CCDC60: variants seen among roughly 807,000 people sequenced by gnomAD.
CCDC60 encodes coiled-coil domain containing 60.
Under a neutral mutation model 63.5 loss-of-function variants are expected in CCDC60, and 54 were observed. The ratio of observed to expected loss-of-function variants is 0.85; its 90% CI spans 0.68 to 1.07. CCDC60 has a LOEUF of 1.07. Ranked by LOEUF, CCDC60 falls within the 50% of genes least tolerant of loss-of-function variation. The pLI is 0.00. For missense variants in CCDC60, 651 were observed against 684.3 expected, an observed-to-expected ratio of 0.95 and a Z score of 0.54; for synonymous variants, 206 against 238.8, an observed-to-expected ratio of 0.86 and a Z score of 1.27.
At chr12:119,438,837 G>A (rs1227219657) in intron 2 of CCDC60, among the ~76,000 whole-genome samples, 1 of 152,040 alleles carries the variant, frequency 6.6e-6, no homozygotes, top group Non-Finnish European at 1.5e-5. Context: ...TCTCCTCTTG[G>A]GATGGGACTG....
chr12:119,358,356 A>T (rs1955739301), intron 1 of CCDC60, among the ~76,000 whole-genome samples: 1 of 152,110 alleles, frequency 6.6e-6, no homozygotes, highest in South Asian at 2.1e-4. Flanking sequence ...TAAAAGGGTG[A>T]GTTTTGTCCT....
chr12:119,496,529 C>T (rs1416933378), intron 5 of CCDC60, among the ~76,000 whole-genome samples: 1 of 152,186 alleles, frequency 6.6e-6, no homozygotes, highest in African/African-American at 2.4e-5. Context: ...CCATCAGCTC[C>T]TCCTCTAAGC....
At chr12:119,354,598 T>A (rs1955697604) in intron 1 of CCDC60, among the ~76,000 whole-genome samples, 1 of 152,204 alleles carries the variant, frequency 6.6e-6, no homozygotes, top group Non-Finnish European at 1.5e-5. Context: ...CGGGGAGACT[T>A]TCTTTCCAGC....
intron 1 of CCDC60, among the ~76,000 whole-genome samples, chr12:119,373,988 T>G (rs1469460035): frequency 6.9e-6 from 1 of 145,818 alleles, no homozygotes; most frequent in Admixed American, 6.9e-5. Flanking sequence ...GAACTTTATC[T>G]TTTTTTTTTT....
In CCDC60 at chr12:119,523,617, G is replaced by A. The variant is rs564568286; in HGVS notation, c.1104-76G>A. 1.1e-5 allele frequency: 18 copies of A among 1,592,038 alleles called. No homozygotes were observed. The African/African-American group carries it at 2.1e-4, about 19-fold the overall frequency. On this transcript the variant is annotated intron_variant, in intron 10 of 13. Coordinates refer to ENST00000327554, the MANE Select transcript of CCDC60 (RefSeq NM_178499.5). Reference sequence around the variant, plus strand: ...TGCAGAGCACCTTGGGGCTAAGGGGGGCCAGAGTGGGACCCAGGTTACTAG... The same window carrying A: ...TGCAGAGCACCTTGGGGCTAAGGGGAGCCAGAGTGGGACCCAGGTTACTAG...
rs1024668318 is a variant in CCDC60, at chr12:119,459,169, T to TC, written c.171-12825_171-12824insC. 7.2e-5 allele frequency among the ~76,000 whole-genome samples: 11 copies of TC among 152,100 alleles called. 1 individual carries two copies. The South Asian group carries it at 1.0e-3, about 14-fold the overall frequency. On this transcript the variant is annotated intron_variant, in intron 2 of 13. Transcript: ENST00000327554. ...AGTAAAGCCAACTGGAAGATTTTTT[T>TC]TCTGGAAAGAGTTCCTTTCAATAGT...
chr12:119,401,110 A>G lies in CCDC60; in HGVS notation c.91-27573A>G, dbSNP rs537115912. ...GTTTCCTGTTACTTTCAGCTCAAAG[A>G]CATTATCAACATTCTCAGATGAAGA... On this transcript the variant is annotated intron_variant, in intron 1 of 13. Coordinates refer to ENST00000327554, the MANE Select transcript of CCDC60 (RefSeq NM_178499.5). Among the ~76,000 whole-genome samples the G allele has an allele frequency of 7.9e-5, 12 of 152,328 alleles. No homozygotes were observed. The East Asian group carries it at 1.9e-3, about 24-fold the overall frequency.
Position 119,523,137 on chromosome 12 carries a change from G to A in CCDC60, c.1103+136G>A, listed in dbSNP as rs146302028. On this transcript the variant is annotated intron_variant, in intron 10 of 13. Transcript: ENST00000327554. Reference sequence around the variant, plus strand: ...CCGTAGATGATGCTGAAGGACAAGGGATCCCCCAGGTTTAGGGACTCATAG... The same window carrying A: ...CCGTAGATGATGCTGAAGGACAAGGAATCCCCCAGGTTTAGGGACTCATAG... 335 of 816,432 alleles carry A rather than the reference G, an allele frequency of 4.1e-4. No homozygotes were observed. In the African/African-American group the frequency reaches 4.9e-3, roughly 12 times the overall value. The allele number at this position is 816,432 out of a possible 1,614,324, so 50.6% of individuals were successfully genotyped here. A position where few individuals can be genotyped will look rare whatever the true frequency, so the allele number is the denominator to read the frequency against.
At chr12:119,445,885 A>G (rs1255474335) in intron 2 of CCDC60, among the ~76,000 whole-genome samples, 1 of 152,114 alleles carries the variant, frequency 6.6e-6, no homozygotes, top group Non-Finnish European at 1.5e-5. Context: ...GAGGACGCAA[A>G]GGCATAAGAA....
chr12:119,514,179 CT>C lies in CCDC60; in HGVS notation c.884-2433del, dbSNP rs953530626. Among the ~76,000 whole-genome samples the C allele has an allele frequency of 2.4e-3, 346 of 145,836 alleles. 1 individual carries two copies. In the Middle Eastern group the frequency reaches 0.028, roughly 12 times the overall value. On this transcript the variant is annotated intron_variant, in intron 7 of 13. Coordinates refer to ENST00000327554, the MANE Select transcript of CCDC60 (RefSeq NM_178499.5). The stretch of plus-strand genomic sequence containing the variant: ...GTGGCTTAGTTTCCTTTTCTTTTTT[CT>C]TTTTTTTTTTCCTGAGACAAAGTTT...
At chr12:119,498,798 CAATCAGT>C (rs1951774604) in intron 5 of CCDC60, among the ~76,000 whole-genome samples, 1 of 152,068 alleles carries the variant, frequency 6.6e-6, no homozygotes, top group South Asian at 2.1e-4. Context: ...ATTGATAGAC[CAATCAGT>C]CGATCAATCG....
At chr12:119,353,918 C>CA (rs2136156720) in intron 1 of CCDC60, among the ~76,000 whole-genome samples, 2 of 152,128 alleles carry the variant, frequency 1.3e-5, no homozygotes, top group South Asian at 4.1e-4. Context: ...ATCAAAAATA[C>CA]AAAAAATTAG....
intron 6 of CCDC60, 82 bp downstream of exon 6, chr12:119,500,250 G>C: frequency 1.0e-6 from 1 of 952,850 alleles, no homozygotes; most frequent in Non-Finnish European, 1.6e-6. Context: ...TCTTTTCTCT[G>C]ATGGGAATTT....
At chr12:119,448,654 G>C (rs1950581739) in intron 2 of CCDC60, among the ~76,000 whole-genome samples, 1 of 152,168 alleles carries the variant, frequency 6.6e-6, no homozygotes, top group South Asian at 2.1e-4. Flanking sequence ...GGGGTAAATA[G>C]ACAAGAATGG....
chr12:119,534,312 T>G (rs979252249), intron 13 of CCDC60, among the ~76,000 whole-genome samples: 1 of 152,216 alleles, frequency 6.6e-6, no homozygotes, highest in Non-Finnish European at 1.5e-5. Context: ...AAGGAGATTT[T>G]GGGCTGAGAC....
chr12:119,425,817 A>G (rs1272142817), intron 1 of CCDC60, among the ~76,000 whole-genome samples: 1 of 152,130 alleles, frequency 6.6e-6, no homozygotes, highest in African/African-American at 2.4e-5. Flanking sequence ...GGGTCACATG[A>G]CCATCCATAA....
In CCDC60 at chr12:119,472,177, A is replaced by C; in HGVS notation, c.341+13A>C. Reference sequence around the variant, plus strand: ...ACACCTTATTGAGGTAAGTGGATGCAGTAGCTGTGGCACTGAAGGTTTTGG... The same window carrying C: ...ACACCTTATTGAGGTAAGTGGATGCCGTAGCTGTGGCACTGAAGGTTTTGG... On this transcript the variant is annotated intron_variant, in intron 3 of 13. Coordinates refer to ENST00000327554, the MANE Select transcript of CCDC60 (RefSeq NM_178499.5). The C allele has an allele frequency of 6.2e-7, 1 of 1,612,552 alleles. No individual in the cohort carries two copies. Among genetic ancestry groups the C allele is most frequent in the Non-Finnish European group, 8.5e-7 (1 of 1,179,074 alleles).
At chr12:119,407,630 T>C (rs1202245569) in intron 1 of CCDC60, among the ~76,000 whole-genome samples, 2 of 152,216 alleles carry the variant, frequency 1.3e-5, no homozygotes, top group Non-Finnish European at 2.9e-5. Context: ...GTTGTTCTAC[T>C]TGCTTACCTT....
intron 1 of CCDC60, among the ~76,000 whole-genome samples, chr12:119,367,138 A>T (rs1251085411): frequency 6.6e-6 from 1 of 152,154 alleles, no homozygotes; most frequent in Non-Finnish European, 1.5e-5. Context: ...TGGCCTGAAA[A>T]CACGTATCAT....
Sources: allele counts gnomAD v4.1 joint callset (sites outside exome capture counted in the v4.1 genomes callset), GRCh38; gene constraint gnomAD v4.1.1; transcripts MANE v1.5; gene names NCBI Gene and HGNC (gene_info 2026-07-23, HGNC 2026-07-21).